GRIN2A: variants seen among roughly 807,000 people sequenced by gnomAD.
GRIN2A encodes the protein glutamate receptor ionotropic, NMDA 2A.
In GRIN2A, 22 loss-of-function variants were observed where a neutral mutation model predicts 113.4. The ratio of observed to expected loss-of-function variants is 0.19; its 90% CI spans 0.14 to 0.28. The LOEUF is 0.28. Among genes scored for constraint, GRIN2A ranks in the 10% least tolerant of loss-of-function variants. The probability of loss-of-function intolerance (pLI) is 1.00; values close to 1 mark genes in which losing one functional copy is unlikely to be tolerated. For synonymous variants in GRIN2A, 827 were observed against 738.4 expected (o/e 1.12, Z -1.94); for missense variants, 1,502 against 1,887.0 (o/e 0.80, Z 3.78).
intron 2 of GRIN2A, among the ~76,000 whole-genome samples, chr16:10,046,087 G>C (rs2141972694): frequency 6.6e-6 from 1 of 152,206 alleles, no homozygotes; most frequent in East Asian, 1.9e-4. Flanking sequence ...ACTGCTCTAA[G>C]CCAATATGAT....
intron 10 of GRIN2A, among the ~76,000 whole-genome samples, chr16:9,807,297 A>AGGGGGAGGGGGAGAGGGAGGGAGG (rs2041995377): frequency 1.3e-4 from 1 of 7,972 alleles, no homozygotes; most frequent in African/African-American, 5.9e-4. Flanking sequence ...AGGGAGGGAG[A>AGGGGGAGGGGGAGAGGGAGGGAGG]GGGGGAGGGA....
intron 2 of GRIN2A, among the ~76,000 whole-genome samples, chr16:10,065,852 G>A (rs754692762): frequency 6.6e-6 from 1 of 152,166 alleles, no homozygotes; most frequent in Admixed American, 6.5e-5. Flanking sequence ...ATTGGGAGGG[G>A]GGGCGCTTAA....
At chr16:10,044,022 T>TATATATATATAGAG (rs531659457) in intron 2 of GRIN2A, among the ~76,000 whole-genome samples, 105 of 107,944 alleles carry the variant, frequency 9.7e-4, no homozygotes, top group African/African-American at 2.0e-3. Flanking sequence ...TATATATATA[T>TATATATATATAGAG]AGAGAGAGAG....
chr16:10,074,630 C>A (rs1431786438), intron 2 of GRIN2A, among the ~76,000 whole-genome samples: 7 of 152,156 alleles, frequency 4.6e-5, no homozygotes, highest in Non-Finnish European at 8.8e-5. Flanking sequence ...AAACCAGACG[C>A]AAAAGGCCAT....
rs146431869 is a variant in GRIN2A, at chr16:9,831,246, C to T, written c.1778-1594G>A. Reference sequence around the variant, plus strand: ...CCAGCATGCTTCAGGCAAAGGAGAACGTATTGCAAGGATGGGCTGTGGGTG... The same window carrying T: ...CCAGCATGCTTCAGGCAAAGGAGAATGTATTGCAAGGATGGGCTGTGGGTG... On this transcript the variant is annotated intron_variant, in intron 8 of 12. Coordinates refer to ENST00000330684, the MANE Select transcript of GRIN2A (RefSeq NM_001134407.3). Among the ~76,000 whole-genome samples the T allele has an allele frequency of 3.3e-3, 500 of 152,246 alleles. 3 individuals carry two copies. The highest frequency in any genetic ancestry group is 0.011 in the African/African-American group (467 of 41,534).
At chr16:9,982,208 A>T (rs1375240178) in intron 2 of GRIN2A, among the ~76,000 whole-genome samples, 2 of 152,210 alleles carry the variant, frequency 1.3e-5, no homozygotes, top group Non-Finnish European at 2.9e-5. Context: ...GATGTCATCT[A>T]ACAGGCTTAT....
chr16:10,004,642 C>G (rs2046375472), intron 2 of GRIN2A, among the ~76,000 whole-genome samples: 1 of 152,180 alleles, frequency 6.6e-6, no homozygotes, highest in Non-Finnish European at 1.5e-5. Flanking sequence ...TTCATGGCCC[C>G]TTCCTCCATC....
chr16:9,913,877 G>A (rs1321777625), intron 3 of GRIN2A, among the ~76,000 whole-genome samples: 1 of 151,996 alleles, frequency 6.6e-6, no homozygotes, highest in Admixed American at 6.5e-5. Context: ...CTTGAAGTTT[G>A]AAATAACATT....
chr16:9,796,068 T>C (rs750821163), intron 11 of GRIN2A, among the ~76,000 whole-genome samples: 5 of 152,222 alleles, frequency 3.3e-5, no homozygotes, highest in Non-Finnish European at 7.3e-5. Flanking sequence ...GAAGATTACA[T>C]TGAGGAACGT....
intron 11 of GRIN2A, among the ~76,000 whole-genome samples, chr16:9,771,910 C>T (rs1002397285): frequency 3.3e-5 from 5 of 152,108 alleles, no homozygotes; most frequent in Non-Finnish European, 7.3e-5. Flanking sequence ...AGATGGTAAA[C>T]CTCCTTGCAT....
At chr16:10,170,481 T>C (rs1241979402) in intron 2 of GRIN2A, among the ~76,000 whole-genome samples, 1 of 152,218 alleles carries the variant, frequency 6.6e-6, no homozygotes, top group Admixed American at 6.5e-5. Flanking sequence ...AGATACCACA[T>C]CTTAAGTAAT....
At position 9,938,566 on chromosome 16, in the gene GRIN2A, A is replaced by G. The variant is rs1057522859; in HGVS notation, c.415-15T>C. The stretch of plus-strand genomic sequence containing the variant: ...GACGTCGGATCCTGCCAGTGAAAAG[A>G]AAGTAAAACAGAGGATGAGGCAGGA... On this transcript the variant is annotated splice_polypyrimidine_tract_variant and intron_variant, in intron 2 of 12. Coordinates refer to ENST00000330684, the MANE Select transcript of GRIN2A (RefSeq NM_001134407.3). 2 of 1,587,060 alleles carry G rather than the reference A, an allele frequency of 1.3e-6. No individual in the cohort carries two copies. The highest frequency in any genetic ancestry group is 1.3e-5 in the African/African-American group (1 of 74,780).
chr16:9,827,914 T>G (rs2042416562), intron 9 of GRIN2A, among the ~76,000 whole-genome samples: 1 of 152,236 alleles, frequency 6.6e-6, no homozygotes, highest in African/African-American at 2.4e-5. Flanking sequence ...ATCTTCTTTA[T>G]AATACTTATT....
intron 10 of GRIN2A, among the ~76,000 whole-genome samples, chr16:9,803,770 A>G (rs1377293539): frequency 6.6e-6 from 1 of 152,232 alleles, no homozygotes; most frequent in African/African-American, 2.4e-5. Flanking sequence ...CATACGTGTC[A>G]AAAGTGGCAT....
chr16:9,996,439 CTG>C (rs2046225262), intron 2 of GRIN2A, among the ~76,000 whole-genome samples: 1 of 152,198 alleles, frequency 6.6e-6, no homozygotes, highest in South Asian at 2.1e-4. Context: ...TAAATGCAAA[CTG>C]AACTCCAGAA....
rs574050794 is a variant in GRIN2A at position 10,076,753 on chromosome 16, C to T, written c.414+103245G>A. Reference sequence around the variant, plus strand: ...AGAGTCGAGAGCACTGTGAACATTCCATCTGCAGCTACCTACACTTCTGAA... The same window carrying T: ...AGAGTCGAGAGCACTGTGAACATTCTATCTGCAGCTACCTACACTTCTGAA... On this transcript the variant is annotated intron_variant, in intron 2 of 12. Transcript: ENST00000330684. Among the ~76,000 whole-genome samples, 127 of 152,246 alleles carry T rather than the reference C, an allele frequency of 8.3e-4. 1 individual carries two copies. Among genetic ancestry groups the T allele is most frequent in the African/African-American group, 3.0e-3 (123 of 41,534 alleles).
At chr16:10,121,127 T>C (rs1078694) in intron 2 of GRIN2A, among the ~76,000 whole-genome samples, 127,547 of 152,078 alleles carry the variant, frequency 0.84, 54,378 homozygotes, top group East Asian at 0.92. Flanking sequence ...GCAAGAAGGG[T>C]GGGGCAACCA....
intron 2 of GRIN2A, among the ~76,000 whole-genome samples, chr16:9,972,752 T>TG (rs1256599409): frequency 6.6e-6 from 1 of 152,182 alleles, no homozygotes; most frequent in African/African-American, 2.4e-5. Flanking sequence ...AACATACATG[T>TG]GATTAAAGTG....
intron 2 of GRIN2A, among the ~76,000 whole-genome samples, chr16:9,974,471 C>A (rs184376332): frequency 6.6e-6 from 1 of 152,170 alleles, no homozygotes. Context: ...CTTGCTCAAT[C>A]GATCACGACC....
Sources: gnomAD v4.1 joint callset for allele counts (sites outside exome capture counted in the v4.1 genomes callset) on GRCh38, gnomAD v4.1.1 for gene constraint, MANE v1.5 for transcripts, NCBI Gene and HGNC (gene_info 2026-07-23, HGNC 2026-07-21) for gene names.